The following BTBD2 variants were observed in gnomAD, a reference collection of about 807,000 sequenced individuals.
BTBD2 encodes BTB/POZ domain-containing protein 2.
Under a neutral mutation model 44.0 loss-of-function variants are expected in BTBD2, and 15 were observed. That is an observed-to-expected ratio of 0.34 (90% CI 0.23 to 0.53). The LOEUF (loss-of-function observed/expected upper bound fraction) is 0.53. Ranked by LOEUF, BTBD2 falls within the 20% of genes least tolerant of loss-of-function variation. The pLI, the probability that BTBD2 is intolerant of heterozygous loss-of-function variation, is 0.95. For missense variants in BTBD2, 657 were observed against 746.4 expected, an observed-to-expected ratio of 0.88 and a Z score of 1.39; for synonymous variants, 443 against 335.9, an observed-to-expected ratio of 1.32 and a Z score of -3.49.
chr19:1,990,843 G>A, intron 3 of BTBD2, 21 bp from the exon 4 acceptor site: 1 of 1,536,140 alleles, frequency 6.5e-7, no homozygotes, highest in Non-Finnish European at 8.8e-7. Context: ...ACATCGACGG[G>A]GGGCGCGGTG....
chr19:2,005,746 C>A (rs148807570), intron 1 of BTBD2, among the ~76,000 whole-genome samples: 2 of 149,514 alleles, frequency 1.3e-5, no homozygotes, highest in Non-Finnish European at 3.0e-5. Flanking sequence ...CACACCATCG[C>A]GCTCCAGCCT....
chr19:2,011,619 T>C (rs2016465721), intron 1 of BTBD2, among the ~76,000 whole-genome samples: 1 of 152,180 alleles, frequency 6.6e-6, no homozygotes, highest in African/African-American at 2.4e-5. Context: ...GAAACACAGA[T>C]GACCTTTCAA....
rs766334511 is a variant in BTBD2, at chr19:2,015,434, G to A, written c.270C>T (p.Arg90=). The change falls in exon 1 of 9, where the codon CGC becomes CGT. Residue 90 remains arginine (R), a synonymous_variant. Transcript: ENST00000255608. ...AAGPGAAALQ[R]EAAYNWQASK... ...TGGCCTGCCAGTTGTACGCGGCCTC[G>A]CGCTGCAGCGCCGCCGCCCCCGGGC... 1.1e-5 allele frequency: 16 copies of A among 1,461,946 alleles called. No individual in the cohort carries two copies. The highest frequency in any genetic ancestry group is 1.5e-5 in the African/African-American group (1 of 68,784). 90.6% of individuals were successfully genotyped at this position (1,461,946 alleles called of 1,614,324 possible). A position where few individuals can be genotyped will look rare whatever the true frequency, so the allele number is the denominator to read the frequency against.
rs751310183 is a variant in BTBD2 at position 1,987,155 on chromosome 19, G to C, written c.1269+11C>G. The C allele has an allele frequency of 2.5e-6, 4 of 1,613,038 alleles. No homozygotes were observed. In the African/African-American group the frequency reaches 5.3e-5, roughly 22 times the overall value. On this transcript the variant is annotated intron_variant, in intron 7 of 8. Coordinates refer to ENST00000255608, the MANE Select transcript of BTBD2 (RefSeq NM_017797.4). ...TGAGTGGGGCCTGGGGATGAGGCTT[G>C]GGGCTGGTACCTGGATGTTCACTTG...
Position 1,990,205 on chromosome 19 carries a change from T to G in BTBD2, c.791-4A>C, listed in dbSNP as rs774988066. 3 of 1,590,726 alleles carry G rather than the reference T, an allele frequency of 1.9e-6. No individual in the cohort carries two copies. The highest frequency in any genetic ancestry group is 2.6e-6 in the Non-Finnish European group (3 of 1,169,682). ...TCCAGGACAGCCACCAGCGTGTCTG[T>G]GGGGTGGAGGAAGGGGCTGCGTGAA... On this transcript the variant is annotated splice_polypyrimidine_tract_variant and splice_region_variant and intron_variant, in intron 4 of 8. Transcript: ENST00000255608.
At chr19:1,988,527 C>T (rs1426196846) in intron 5 of BTBD2, 1 of 151,296 alleles carries the variant, frequency 6.6e-6, no homozygotes, top group Non-Finnish European at 1.5e-5. Context: ...TTAAGTGAAT[C>T]AGGAAGACTG....
At chr19:1,998,905 C>T (rs1040905477) in intron 1 of BTBD2, among the ~76,000 whole-genome samples, 1 of 152,122 alleles carries the variant, frequency 6.6e-6, no homozygotes, top group African/African-American at 2.4e-5. Flanking sequence ...CCTGCGTCAC[C>T]TCTTCCCCAC....
chr19:1,999,138 C>G (rs2016291475), intron 1 of BTBD2, among the ~76,000 whole-genome samples: 1 of 152,186 alleles, frequency 6.6e-6, no homozygotes, highest in Non-Finnish European at 1.5e-5. Context: ...CACACGCGCC[C>G]CCCTAAACCC....
In BTBD2 at chr19:1,986,566, G is replaced by A; in HGVS notation, c.1500C>T (p.Thr500=). ...SPTTGAKTCF[T]FCYAAGNNNG... ...TGTTGTTCCCGGCCGCGTAGCAAAA[G>A]GTGAAGCAGGTCTTGGCGCCCGTGG... is the stretch of plus-strand genomic sequence containing the variant. The change falls in exon 9 of 9, where the codon ACC becomes ACT. Residue 500 remains threonine (T), a synonymous_variant. Coordinates refer to ENST00000255608, the MANE Select transcript of BTBD2 (RefSeq NM_017797.4). 6.2e-7 allele frequency: 1 copy of A among 1,614,106 alleles called. No homozygotes were observed. The highest frequency in any genetic ancestry group is 1.1e-5 in the South Asian group (1 of 91,090).
intron 1 of BTBD2, among the ~76,000 whole-genome samples, chr19:2,001,884 T>C (rs2016334748): frequency 6.6e-6 from 1 of 151,466 alleles, no homozygotes; most frequent in Non-Finnish European, 1.5e-5. Context: ...ACTACAAGCA[T>C]AGCACCACCA....
At chr19:2,004,000 T>A (rs891381556) in intron 1 of BTBD2, among the ~76,000 whole-genome samples, 2 of 151,078 alleles carry the variant, frequency 1.3e-5, no homozygotes, top group African/African-American at 4.9e-5. Flanking sequence ...AACTCAGCCA[T>A]CCCTCCGCTC....
intron 2 of BTBD2, among the ~76,000 whole-genome samples, chr19:1,994,191 C>T (rs2016220649): frequency 6.6e-6 from 1 of 151,524 alleles, no homozygotes; most frequent in African/African-American, 2.4e-5. Flanking sequence ...TGGCAGACAC[C>T]TGTAATCCCA....
intron 1 of BTBD2, chr19:2,013,701 G>A (rs1161136510): frequency 1.0e-6 from 1 of 984,362 alleles, no homozygotes; most frequent in East Asian, 1.1e-4. Context: ...TGGACTGCAG[G>A]GCGGGCAGGG....
chr19:1,992,988 C>T, intron 3 of BTBD2, 32 bp downstream of exon 3: 1 of 761,244 alleles, frequency 1.3e-6, no homozygotes, highest in South Asian at 1.6e-5. Flanking sequence ...CCAGGCCTGG[C>T]CCCGCCCCCG....
rs1192465888 is a variant in BTBD2, at chr19:1,999,006, C to T, written c.408-1543G>A. Among the ~76,000 whole-genome samples the T allele has an allele frequency of 2.0e-5, 3 of 152,286 alleles. No homozygotes were observed. In the East Asian group the frequency reaches 5.8e-4, roughly 29 times the overall value. ...AGCTCCGGAGCTACAGGTGGTTCCGCACGGATGGGACCTGCTTCTCACTCC... is the reference window on the plus strand; with the variant it reads ...AGCTCCGGAGCTACAGGTGGTTCCGTACGGATGGGACCTGCTTCTCACTCC... On this transcript the variant is annotated intron_variant, in intron 1 of 8. Coordinates refer to ENST00000255608, the MANE Select transcript of BTBD2 (RefSeq NM_017797.4).
At chr19:1,987,070 C>T in intron 7 of BTBD2, 94 bp from the exon 8 acceptor site, 2 of 1,591,900 alleles carry the variant, frequency 1.3e-6, no homozygotes, top group Admixed American at 1.7e-5. Context: ...GGGGGCAGCA[C>T]AGGGACCAGG....
rs766740895 is a variant in BTBD2 at position 1,986,929 on chromosome 19, G to A, written c.1317C>T (p.Gly439=). The A allele has an allele frequency of 6.2e-7, 1 of 1,613,338 alleles. No individual in the cohort carries two copies. Among genetic ancestry groups the A allele is most frequent in the Non-Finnish European group, 8.5e-7 (1 of 1,179,856 alleles). ...SNTVLGQNDT[G]FSCDGSASTF... ...TGCTGGCTGAGCCGTCGCAGCTGAA[G>A]CCCGTGTCGTTCTGGCCCAAGACGG... Residue 439 remains glycine, a synonymous_variant, in exon 8 of 9, where the codon GGC becomes GGT. Coordinates refer to ENST00000255608, the MANE Select transcript of BTBD2 (RefSeq NM_017797.4).
At chr19:2,004,922 C>T (rs964038449) in intron 1 of BTBD2, among the ~76,000 whole-genome samples, 1 of 151,434 alleles carries the variant, frequency 6.6e-6, no homozygotes, top group African/African-American at 2.4e-5. Context: ...CAAGTTCAAG[C>T]GATTCTCCTG....
chr19:2,015,497 C>G lies in BTBD2; in HGVS notation c.207G>C (p.Ala69=), dbSNP rs1216456755. The change falls in exon 1 of 9, where the codon GCG becomes GCC. Residue 69 remains alanine, a synonymous_variant. Coordinates refer to ENST00000255608, the MANE Select transcript of BTBD2 (RefSeq NM_017797.4). ...CCGCCCGCTCCGCGCCCGCGGCCTG[C>G]GCGTCTGTCCCGGGGCCCGGCGGGG... is the stretch of plus-strand genomic sequence containing the variant. The part of the protein sequence containing the change: ...PPAPPGPGTD[A]QAAGAERAEE... The G allele has an allele frequency of 9.0e-7, 1 of 1,110,256 alleles. No individual in the cohort carries two copies. Among genetic ancestry groups the G allele is most frequent in the Non-Finnish European group, 1.1e-6 (1 of 913,270 alleles). The allele number at this position is 1,110,256 out of a possible 1,614,324, so 68.8% of individuals were successfully genotyped here.
Sources: gnomAD v4.1 joint callset for allele counts (sites outside exome capture counted in the v4.1 genomes callset) on GRCh38, gnomAD v4.1.1 for gene constraint, MANE v1.5 for transcripts, NCBI Gene and HGNC (gene_info 2026-07-23, HGNC 2026-07-21) for gene names.